DYM: variants seen among roughly 807,000 people sequenced by gnomAD.
The protein encoded by DYM is dyggve-Melchior-Clausen syndrome protein.
Under a neutral mutation model 93.1 loss-of-function variants are expected in DYM, and 78 were observed. That is an observed-to-expected ratio of 0.84 (90% CI 0.70 to 1.01). The LOEUF (loss-of-function observed/expected upper bound fraction) is 1.01, where lower values mean the gene tolerates loss of function less well. Among genes scored for constraint, DYM ranks in the 50% least tolerant of loss-of-function variants. The pLI is 0.00. For synonymous variants in DYM, 321 were observed against 319.7 expected, an observed-to-expected ratio of 1.00 and a Z score of -0.04; for missense variants, 789 against 845.0, an observed-to-expected ratio of 0.93 and a Z score of 0.82.
intron 13 of DYM, among the ~76,000 whole-genome samples, chr18:49,252,241 A>AAAAAAAAAAAAAAAAAAAAAAAAC (rs1568106559): frequency 6.7e-6 from 1 of 148,446 alleles, no homozygotes; most frequent in African/African-American, 2.5e-5. Flanking sequence ...AAAAAAAAAA[A>AAAAAAAAAAAAAAAAAAAAAAAAC]AGAACTGCCT....
At chr18:49,204,787 C>T (rs2092382734) in intron 14 of DYM, among the ~76,000 whole-genome samples, 1 of 152,174 alleles carries the variant, frequency 6.6e-6, no homozygotes, top group South Asian at 2.1e-4. Context: ...TTCTCAAGCG[C>T]TTACTCAAAA....
At chr18:49,267,931 A>G (rs2094599416) in intron 11 of DYM, among the ~76,000 whole-genome samples, 1 of 152,178 alleles carries the variant, frequency 6.6e-6, no homozygotes, top group Non-Finnish European at 1.5e-5. Context: ...AAAAGTATCA[A>G]ATATCTTGAC....
chr18:49,185,680 C>G (rs956028037), intron 14 of DYM, among the ~76,000 whole-genome samples: 1 of 152,152 alleles, frequency 6.6e-6, no homozygotes, highest in Non-Finnish European at 1.5e-5. Flanking sequence ...CATGTGAGTG[C>G]TTAGCATGTG....
At chr18:49,191,869 A>C (rs1360885913) in intron 14 of DYM, among the ~76,000 whole-genome samples, 5 of 152,220 alleles carry the variant, frequency 3.3e-5, no homozygotes, top group Non-Finnish European at 7.3e-5. Context: ...GAATAAGGTC[A>C]AAAGTGTGGC....
At chr18:49,069,996 G>A (rs993130319) in intron 17 of DYM, among the ~76,000 whole-genome samples, 10 of 152,168 alleles carry the variant, frequency 6.6e-5, no homozygotes, top group Non-Finnish European at 8.8e-5. Flanking sequence ...AGCCAAGATC[G>A]CGCCACAGCA....
At chr18:49,287,120 G>C (rs987632129) in intron 8 of DYM, among the ~76,000 whole-genome samples, 3 of 152,078 alleles carry the variant, frequency 2.0e-5, no homozygotes, top group Non-Finnish European at 2.9e-5. Flanking sequence ...CTGGGAAGCA[G>C]AGGTTGCAGT....
intron 1 of DYM, among the ~76,000 whole-genome samples, chr18:49,449,091 A>G (rs2082324831): frequency 6.6e-6 from 1 of 152,106 alleles, no homozygotes; most frequent in East Asian, 1.9e-4. Flanking sequence ...TCTTACCTCT[A>G]CAGGAAATGC....
intron 2 of DYM, among the ~76,000 whole-genome samples, chr18:49,423,028 T>C (rs2073893257): frequency 6.6e-6 from 1 of 152,162 alleles, no homozygotes; most frequent in South Asian, 2.1e-4. Context: ...TGAACTCAGC[T>C]CTGCACCAAG....
intron 17 of DYM, among the ~76,000 whole-genome samples, chr18:49,087,494 A>T (rs1474363117): frequency 6.6e-6 from 1 of 152,232 alleles, no homozygotes; most frequent in East Asian, 1.9e-4. Flanking sequence ...AATGAATATC[A>T]TGGGCTAGCC....
At chr18:49,305,449 C>T (rs1288900603) in intron 8 of DYM, among the ~76,000 whole-genome samples, 1 of 152,200 alleles carries the variant, frequency 6.6e-6, no homozygotes, top group Non-Finnish European at 1.5e-5. Flanking sequence ...CCCTAATCTT[C>T]ATGCTTAGCT....
chr18:49,276,257 T>G (rs951552141), intron 10 of DYM, among the ~76,000 whole-genome samples: 7 of 151,930 alleles, frequency 4.6e-5, no homozygotes, highest in African/African-American at 1.7e-4. Flanking sequence ...ATTCCTAGTT[T>G]GTTAAATATT....
intron 2 of DYM, among the ~76,000 whole-genome samples, chr18:49,425,670 T>A (rs2074209847): frequency 6.6e-6 from 1 of 152,212 alleles, no homozygotes; most frequent in East Asian, 1.9e-4. Context: ...ATATCCACAA[T>A]CTACAAAGAA....
At chr18:49,292,332 GCAGGCAGACAGA>G (rs1182875243) in intron 8 of DYM, among the ~76,000 whole-genome samples, 20 of 113,100 alleles carry the variant, frequency 1.8e-4, no homozygotes, top group Admixed American at 8.9e-4. Context: ...AGGCAGGCAG[GCAGGCAGACAGA>G]CAGACAGACA....
intron 13 of DYM, among the ~76,000 whole-genome samples, chr18:49,215,924 T>C (rs544536639): frequency 6.6e-5 from 10 of 152,312 alleles, no homozygotes; most frequent in Non-Finnish European, 1.3e-4. Context: ...CAGCGCACCG[T>C]GCGGGAGCCG....
intron 2 of DYM, among the ~76,000 whole-genome samples, chr18:49,412,425 C>A (rs1184005976): frequency 1.3e-5 from 2 of 151,920 alleles, no homozygotes; most frequent in Non-Finnish European, 2.9e-5. Context: ...ATGATTTTTG[C>A]ATAGAAAGGT....
intron 13 of DYM, among the ~76,000 whole-genome samples, chr18:49,249,052 G>A (rs377235693): frequency 9.2e-5 from 14 of 152,308 alleles, no homozygotes; most frequent in African/African-American, 3.1e-4. Flanking sequence ...AGAACTGTCT[G>A]TTCCAGATCA....
chr18:49,124,157 C>A (rs2082619002), intron 15 of DYM, among the ~76,000 whole-genome samples: 2 of 152,256 alleles, frequency 1.3e-5, no homozygotes, highest in East Asian at 1.9e-4. Flanking sequence ...CTACTTTAAA[C>A]CCAGGCTAAA....
intron 17 of DYM, among the ~76,000 whole-genome samples, chr18:49,086,858 C>T (rs548094666): frequency 1.3e-5 from 2 of 151,972 alleles, no homozygotes; most frequent in East Asian, 1.9e-4. Flanking sequence ...CATGGTGGTG[C>T]GTAGCTGTAA....
intron 14 of DYM, among the ~76,000 whole-genome samples, chr18:49,169,838 A>G (rs1381719447): frequency 6.6e-6 from 1 of 152,194 alleles, no homozygotes; most frequent in Non-Finnish European, 1.5e-5. Flanking sequence ...ACAGGAGATG[A>G]CAAGTGAACA....
Sources: allele counts gnomAD v4.1 joint callset (sites outside exome capture counted in the v4.1 genomes callset), GRCh38; gene constraint gnomAD v4.1.1; transcripts MANE v1.5; gene names NCBI Gene and HGNC (gene_info 2026-07-23, HGNC 2026-07-21).